RNF123: variants seen among roughly 807,000 people sequenced by gnomAD.
RNF123 encodes the protein E3 ubiquitin-protein ligase RNF123.
A neutral mutation model predicts 168.5 loss-of-function variants in RNF123; 86 were observed. The observed-to-expected ratio is 0.51, with a 90% CI of 0.43 to 0.61. RNF123 has a LOEUF of 0.61. RNF123 is among the 20% of genes least tolerant of loss of function. RNF123 has a pLI of 0.00. For synonymous variants in RNF123, 666 were observed against 689.1 expected (o/e 0.97, Z 0.52); for missense variants, 1,419 against 1,729.7 (o/e 0.82, Z 3.19).
chr3:49,690,291 A>ATG (rs1227445839), intron 1 of RNF123, among the ~76,000 whole-genome samples: 2 of 152,380 alleles, frequency 1.3e-5, no homozygotes, highest in Admixed American at 6.5e-5. Flanking sequence ...CATTAGCCAC[A>ATG]TGTGGTCATT....
intron 17 of RNF123, 30 bp downstream of exon 17, chr3:49,701,940 G>A: frequency 6.4e-7 from 1 of 1,555,820 alleles, no homozygotes; most frequent in Non-Finnish European, 8.7e-7. Flanking sequence ...GGGGTAGGGT[G>A]GGAGGTGTGT....
intron 31 of RNF123, among the ~76,000 whole-genome samples, chr3:49,714,868 G>C (rs554370807): frequency 8.3e-4 from 126 of 152,358 alleles, no homozygotes; most frequent in Middle Eastern, 3.4e-3. Flanking sequence ...TGGTCCAAAG[G>C]GTGTCCCCAG....
chr3:49,711,675 G>A (rs1217064748), intron 26 of RNF123, among the ~76,000 whole-genome samples: 1 of 152,164 alleles, frequency 6.6e-6, no homozygotes, highest in Non-Finnish European at 1.5e-5. Flanking sequence ...ACACACGGGT[G>A]CTGTGGGTCT....
intron 19 of RNF123, 56 bp downstream of exon 19, chr3:49,702,461 T>G: frequency 6.3e-7 from 1 of 1,596,834 alleles, no homozygotes; most frequent in Non-Finnish European, 8.6e-7. Flanking sequence ...ACACATGCCA[T>G]GCCCTCAGCA....
At chr3:49,716,507 G>A in intron 35 of RNF123, 30 bp downstream of exon 35, 1 of 1,592,966 alleles carries the variant, frequency 6.3e-7, no homozygotes, top group Admixed American at 1.7e-5. Context: ...GGCCCCTGTG[G>A]GAGTTGGGTG....
At chr3:49,704,545 A>G (rs2054472999) in intron 21 of RNF123, 105 bp from the exon 22 acceptor site, 4 of 939,744 alleles carry the variant, frequency 4.3e-6, no homozygotes, top group Admixed American at 2.7e-5. Flanking sequence ...CGGGCTCTGC[A>G]AGGCCTCCTG....
intron 20 of RNF123, 149 bp downstream of exon 20, chr3:49,702,902 A>AGGC: frequency 1.6e-6 from 2 of 1,229,252 alleles, no homozygotes; most frequent in Non-Finnish European, 2.3e-6. Context: ...ACCCAGCCAC[A>AGGC]GGCGGCTTCT....
intron 18 of RNF123, 90 bp downstream of exon 18, chr3:49,702,234 G>A: frequency 6.3e-7 from 1 of 1,592,756 alleles, no homozygotes; most frequent in Non-Finnish European, 8.6e-7. Flanking sequence ...ACTGGGTTTG[G>A]TTCCCATGGC....
intron 26 of RNF123, among the ~76,000 whole-genome samples, chr3:49,710,007 C>CT (rs1244901461): frequency 7.3e-5 from 11 of 150,748 alleles, no homozygotes; most frequent in African/African-American, 2.2e-4. Flanking sequence ...ATTTTCTGCC[C>CT]TTTTTTTTTC....
chr3:49,717,764 G>T, intron 35 of RNF123: 1 of 670,496 alleles, frequency 1.5e-6, no homozygotes, highest in Non-Finnish European at 2.5e-6. Flanking sequence ...GCAGAAGGCA[G>T]GTTGGGGACC....
chr3:49,697,967 G>A (rs2054301629), intron 6 of RNF123, 28 bp downstream of exon 6: 1 of 1,614,010 alleles, frequency 6.2e-7, no homozygotes, highest in African/African-American at 1.3e-5. Flanking sequence ...TGTGGCCTAG[G>A]TAGTGAGGAG....
Position 49,721,093 on chromosome 3 carries a change from A to G in RNF123, c.3812A>G (p.His1271Arg). The G allele has an allele frequency of 6.2e-7, 1 of 1,613,994 alleles. No individual in the cohort carries two copies. The highest frequency in any genetic ancestry group is 8.5e-7 in the Non-Finnish European group (1 of 1,179,910). ...TCTGCTGTGTTCCAGCCCTGTGGCC[A>G]CAAGTCCTGCAAGTAAGTGGGCCCC... The part of the protein sequence containing the change: ...PISAVFQPCG[H>R]KSCKACINQH... The change falls in exon 38 of 39, where the codon CAC becomes CGC. Residue 1271 changes from histidine to arginine, a missense_variant. Physicochemically the swap from His to Arg is conservative, Grantham distance 29. This residue lies in a region of RNF123 where 50 missense variants were observed against 77.2 expected (regional missense o/e 0.65). Coordinates refer to ENST00000327697, the MANE Select transcript of RNF123 (RefSeq NM_022064.5).
Position 49,720,801 on chromosome 3 carries a change from T to G in RNF123, c.3645T>G (p.Tyr1215Ter). 1 of 1,614,150 alleles carries G rather than the reference T, an allele frequency of 6.2e-7. No individual in the cohort carries two copies. The highest frequency in any genetic ancestry group is 8.5e-7 in the Non-Finnish European group (1 of 1,180,006). ...PDRKRFSLQSYADYISADELA... is the reference protein window; with the variant it reads ...PDRKRFSLQS Reference sequence around the variant, plus strand: ...TTGACACTACCTACCACTCCCCAGATGCGGATTATATCAGTGCCGATGAGC... The same window carrying G: ...TTGACACTACCTACCACTCCCCAGAGGCGGATTATATCAGTGCCGATGAGC... Residue 1215 changes from tyrosine to a stop codon, truncating the protein, a stop_gained and splice_region_variant, in exon 37 of 39, where the codon TAT becomes TAG. Transcript: ENST00000327697. LOFTEE classifies it high-confidence loss of function.
chr3:49,705,873 C>T (rs997217974), intron 24 of RNF123, 109 bp from the exon 25 acceptor site: 3 of 1,463,708 alleles, frequency 2.0e-6, no homozygotes, highest in East Asian at 2.3e-5. Flanking sequence ...TGGGACCGCC[C>T]TGGGCCTAAG....
intron 3 of RNF123, among the ~76,000 whole-genome samples, chr3:49,692,502 CTT>C (rs1218711334): frequency 6.6e-6 from 1 of 152,268 alleles, no homozygotes; most frequent in Non-Finnish European, 1.5e-5. Context: ...TAGTTATACT[CTT>C]TTAGTTATTT....
At chr3:49,697,737 C>T (rs936373428) in intron 5 of RNF123, 148 bp from the exon 6 acceptor site, 12 of 962,744 alleles carry the variant, frequency 1.2e-5, no homozygotes, top group East Asian at 4.8e-5. Context: ...CAAGCCTACC[C>T]GCTCCCACCG....
chr3:49,717,825 C>T, intron 35 of RNF123: 2 of 1,042,514 alleles, frequency 1.9e-6, no homozygotes, highest in Non-Finnish European at 1.4e-6. Context: ...GTTTCGAGGC[C>T]CATACAGGAA....
rs573270926 is a variant in RNF123 at position 49,697,146 on chromosome 3, A to G, written c.171A>G (p.Lys57=). The change falls in exon 4 of 39, where the codon AAA becomes AAG. Residue 57 remains lysine, a synonymous_variant. Coordinates refer to ENST00000327697, the MANE Select transcript of RNF123 (RefSeq NM_022064.5). ...EHAPPAATSR[K]PLNFQNLPEH... is the part of the protein sequence containing the mutation. ...GGCAGCCTCTCACTCTCCCCAGGAA[A>G]CCCCTGAACTTCCAGAACCTGCCAG... 6.2e-7 allele frequency: 1 copy of G among 1,613,940 alleles called. No individual in the cohort carries two copies. The highest frequency in any genetic ancestry group is 1.1e-5 in the South Asian group (1 of 91,054).
chr3:49,703,610 A>C, intron 21 of RNF123, 82 bp downstream of exon 21: 1 of 1,182,232 alleles, frequency 8.5e-7, no homozygotes. Context: ...GTGGATGCTG[A>C]GCCATCCTAT....
Sources: allele counts gnomAD v4.1 joint callset (sites outside exome capture counted in the v4.1 genomes callset), GRCh38; gene constraint gnomAD v4.1.1; regional missense constraint gnomAD v4.1.1; transcripts MANE v1.5; gene names NCBI Gene and HGNC (gene_info 2026-07-23, HGNC 2026-07-21).